GLP2R: variants seen among roughly 807,000 people sequenced by gnomAD.
GLP2R encodes glucagon-like peptide 2 receptor.
Under a neutral mutation model 68.2 loss-of-function variants are expected in GLP2R, and 59 were observed. The observed-to-expected ratio is 0.87, with a 90% CI of 0.70 to 1.07. The LOEUF is 1.07. Ranked by LOEUF, GLP2R falls within the 50% of genes least tolerant of loss-of-function variation. The pLI, the probability that GLP2R is intolerant of heterozygous loss-of-function variation, is 0.00. For missense variants in GLP2R, 548 were observed against 677.4 expected, an observed-to-expected ratio of 0.81 and a Z score of 2.12; for synonymous variants, 270 against 265.4, an observed-to-expected ratio of 1.02 and a Z score of -0.17.
At chr17:9,829,323 A>AT (rs1275677564) in intron 1 of GLP2R, among the ~76,000 whole-genome samples, 4 of 150,732 alleles carry the variant, frequency 2.7e-5, no homozygotes, top group African/African-American at 9.9e-5. Context: ...TAAAATTTTT[A>AT]ATTTTTTTTT....
chr17:9,827,104 A>T (rs915241718), intron 1 of GLP2R, among the ~76,000 whole-genome samples: 1 of 151,918 alleles, frequency 6.6e-6, no homozygotes, highest in South Asian at 2.1e-4. Context: ...CCTGACCTCA[A>T]GTGATCTACC....
Position 9,857,537 on chromosome 17 carries a change from G to A in GLP2R, c.726G>A (p.Arg242=). ...TCTTCTACAACTCTTACTCCAAGAGGCCTGACAATGAGAATGGGTGGATGT... is the reference window on the plus strand; with the variant it reads ...TCTTCTACAACTCTTACTCCAAGAGACCTGACAATGAGAATGGGTGGATGT... The part of the protein sequence containing the change: ...DVVFYNSYSK[R]PDNENGWMSY... The change falls in exon 6 of 13, where the codon AGG becomes AGA. Residue 242 remains arginine (R), a synonymous_variant. Transcript: ENST00000262441. The A allele has an allele frequency of 3.7e-6, 6 of 1,614,164 alleles. No homozygotes were observed. The highest frequency in any genetic ancestry group is 1.7e-5 in the Admixed American group (1 of 60,024).
At position 9,869,597 on chromosome 17, in the gene GLP2R, G is replaced by A. The variant is rs558872027; in HGVS notation, c.1057-1150G>A. 6.5e-4 allele frequency among the ~76,000 whole-genome samples: 99 copies of A among 152,322 alleles called. No homozygotes were observed. In the South Asian group the frequency reaches 0.016, roughly 25 times the overall value. On this transcript the variant is annotated intron_variant, in intron 9 of 12. Coordinates refer to ENST00000262441, the MANE Select transcript of GLP2R (RefSeq NM_004246.3). ...CTGGAGGATCAGCTCCCAAGGTGGC[G>A]CACACACGTAGCTGGTGGTGGGTGG... is the stretch of plus-strand genomic sequence containing the variant.
intron 11 of GLP2R, 59 bp downstream of exon 11, chr17:9,880,575 C>A: frequency 1.7e-6 from 2 of 1,201,920 alleles, no homozygotes; most frequent in Non-Finnish European, 2.4e-6. Context: ...TGCATGTGGC[C>A]GAAACAGGCT....
At chr17:9,863,756 C>T (rs1438418337) in intron 9 of GLP2R, among the ~76,000 whole-genome samples, 3 of 152,220 alleles carry the variant, frequency 2.0e-5, no homozygotes, top group African/African-American at 7.2e-5. Flanking sequence ...TTTGTTCCTT[C>T]CCAGATCCTG....
intron 10 of GLP2R, among the ~76,000 whole-genome samples, chr17:9,871,919 T>C (rs2067098124): frequency 6.6e-6 from 1 of 152,054 alleles, no homozygotes. Context: ...GAGACAGAGT[T>C]TCACCATGTT....
chr17:9,875,725 G>A (rs1264356201), intron 10 of GLP2R, among the ~76,000 whole-genome samples: 1 of 152,178 alleles, frequency 6.6e-6, no homozygotes, highest in Admixed American at 6.5e-5. Context: ...TGCGGACAGA[G>A]TTCAGCAGAC....
chr17:9,848,220 A>C (rs2066859208), intron 4 of GLP2R, among the ~76,000 whole-genome samples: 1 of 151,398 alleles, frequency 6.6e-6, no homozygotes, highest in Non-Finnish European at 1.5e-5. Flanking sequence ...AGTTGTGCTA[A>C]TGGCATGCCT....
chr17:9,862,655 A>G (rs2066997287), intron 9 of GLP2R, among the ~76,000 whole-genome samples: 1 of 152,206 alleles, frequency 6.6e-6, no homozygotes. Context: ...ATTCCTTTAG[A>G]TAATAGGGTG....
rs536723569 is a variant in GLP2R at position 9,881,582 on chromosome 17, G to A, written c.1284+1066G>A. Among the ~76,000 whole-genome samples, 111 of 136,378 alleles carry A rather than the reference G, an allele frequency of 8.1e-4. 14 individuals carry two copies. Among genetic ancestry groups the A allele is most frequent in the African/African-American group, 3.7e-3 (100 of 27,078 alleles). 89.5% of individuals were successfully genotyped at this position (136,378 alleles called of 152,430 possible). On this transcript the variant is annotated intron_variant, in intron 11 of 12. Transcript: ENST00000262441. The stretch of plus-strand genomic sequence containing the variant: ...TTTTTAGTAGAGACGGGGTTTCACC[G>A]TTTTAGCCGGGATGGTCTCGATCTC...
chr17:9,840,326 G>A (rs999553830), intron 3 of GLP2R, among the ~76,000 whole-genome samples: 2 of 152,062 alleles, frequency 1.3e-5, no homozygotes, highest in African/African-American at 4.8e-5. Flanking sequence ...ATTTATAATC[G>A]TTTACGGCGA....
chr17:9,863,938 A>G (rs1191725930), intron 9 of GLP2R, among the ~76,000 whole-genome samples: 1 of 152,228 alleles, frequency 6.6e-6, no homozygotes, highest in Non-Finnish European at 1.5e-5. Flanking sequence ...CTGGACCCTG[A>G]AAGGTTCTTG....
intron 4 of GLP2R, among the ~76,000 whole-genome samples, chr17:9,853,484 TGAGAGAGAGAAA>T (rs889825033): frequency 7.9e-5 from 12 of 151,972 alleles, no homozygotes; most frequent in African/African-American, 2.9e-4. Context: ...GAATTAAAGA[TGAGAGAGAGAAA>T]GTGAGAGAGA....
chr17:9,888,111 T>C (rs192423101), intron 12 of GLP2R, 138 bp downstream of exon 12: 73 of 773,394 alleles, frequency 9.4e-5, no homozygotes, highest in Non-Finnish European at 1.6e-4. Context: ...AAATTTGTAT[T>C]GTGAGCTTCC....
At chr17:9,838,921 G>A (rs558583325) in intron 3 of GLP2R, among the ~76,000 whole-genome samples, 1 of 152,240 alleles carries the variant, frequency 6.6e-6, no homozygotes, top group African/African-American at 2.4e-5. Flanking sequence ...GCTGAGGCAG[G>A]AGAATGGCGT....
intron 3 of GLP2R, among the ~76,000 whole-genome samples, chr17:9,840,654 G>A (rs758323150): frequency 1.3e-4 from 20 of 152,214 alleles, no homozygotes; most frequent in Non-Finnish European, 1.9e-4. Flanking sequence ...AAACAAGATG[G>A]GGAAGGGAAG....
intron 11 of GLP2R, among the ~76,000 whole-genome samples, chr17:9,885,756 A>C (rs1206709372): frequency 6.6e-6 from 1 of 151,940 alleles, no homozygotes; most frequent in Admixed American, 6.6e-5. Flanking sequence ...AAGGAGTCAC[A>C]AAGTCATCCT....
intron 11 of GLP2R, 121 bp from the exon 12 acceptor site, chr17:9,887,811 C>A: frequency 3.9e-6 from 3 of 773,600 alleles, no homozygotes; most frequent in South Asian, 2.8e-5. Flanking sequence ...GTAAGCAATG[C>A]AGTTGCACGC....
In GLP2R at chr17:9,889,645, T is replaced by G; in HGVS notation, c.1602T>G (p.Ser534Arg). ...WPRGSSLSEC[S>R]EGDVTMANTM... ...GGGGCAGCAGCCTGTCCGAGTGCAG[T>G]GAGGGGGATGTCACCATGGCCAACA... The change falls in exon 13 of 13, where the codon AGT becomes AGG. Residue 534 changes from serine (S) to arginine (R), a missense_variant. Ser to Arg is a moderately radical substitution (Grantham distance 110). Transcript: ENST00000262441. 6.2e-7 allele frequency: 1 copy of G among 1,609,978 alleles called. No individual in the cohort carries two copies. Among genetic ancestry groups the G allele is most frequent in the South Asian group, 1.1e-5 (1 of 90,826 alleles).
Sources: gnomAD v4.1 joint callset for allele counts (sites outside exome capture counted in the v4.1 genomes callset) on GRCh38, gnomAD v4.1.1 for gene constraint, MANE v1.5 for transcripts, NCBI Gene and HGNC (gene_info 2026-07-23, HGNC 2026-07-21) for gene names.